Variants in FANCC observed in about 807,000 individuals in gnomAD.
FANCC encodes FA complementation group C, also known as Fanconi anemia group C protein.
In FANCC, 55 loss-of-function variants were observed where a neutral mutation model predicts 71.3. The ratio of observed to expected loss-of-function variants is 0.77; its 90% CI spans 0.62 to 0.97. The LOEUF (loss-of-function observed/expected upper bound fraction) is 0.97, where lower values mean the gene tolerates loss of function less well. Among genes scored for constraint, FANCC ranks in the 50% least tolerant of loss-of-function variants. FANCC has a pLI of 0.00. For missense variants in FANCC, 678 were observed against 670.9 expected, an observed-to-expected ratio of 1.01 and a Z score of -0.12; for synonymous variants, 275 against 244.9, an observed-to-expected ratio of 1.12 and a Z score of -1.15.
intron 4 of FANCC, among the ~76,000 whole-genome samples, chr9:95,173,897 C>A: frequency 6.6e-6 from 1 of 151,376 alleles, no homozygotes. Context: ...ACCCTGTCTC[C>A]AAGGAAAAGA....
intron 7 of FANCC, among the ~76,000 whole-genome samples, chr9:95,149,547 C>A (rs556838750): frequency 6.6e-6 from 1 of 151,584 alleles, no homozygotes; most frequent in African/African-American, 2.4e-5. Flanking sequence ...GGCACAATCT[C>A]GGCTCACTGC....
chr9:95,128,990 A>T (rs1277831546), intron 8 of FANCC, among the ~76,000 whole-genome samples: 1 of 151,502 alleles, frequency 6.6e-6, no homozygotes, highest in African/African-American at 2.4e-5. Context: ...GCAACCTCCA[A>T]CTCCTGGGTT....
chr9:95,287,025 T>C (rs1417711826), intron 1 of FANCC, among the ~76,000 whole-genome samples: 2 of 152,176 alleles, frequency 1.3e-5, no homozygotes, highest in Non-Finnish European at 2.9e-5. Context: ...TATTATTTTA[T>C]AGCAGCTATC....
chr9:95,142,046 G>A (rs978070414), intron 7 of FANCC, among the ~76,000 whole-genome samples: 3 of 125,800 alleles, frequency 2.4e-5, no homozygotes, highest in Admixed American at 1.0e-4. Context: ...AGGCTGGAGT[G>A]CAATGGCACG....
intron 4 of FANCC, among the ~76,000 whole-genome samples, chr9:95,214,311 A>C (rs1359531362): frequency 1.3e-5 from 2 of 152,158 alleles, no homozygotes; most frequent in African/African-American, 4.8e-5. Flanking sequence ...GCATGCCTGT[A>C]GTCCCAGCTA....
At chr9:95,144,467 C>T (rs779795127) in intron 7 of FANCC, among the ~76,000 whole-genome samples, 6 of 152,214 alleles carry the variant, frequency 3.9e-5, no homozygotes, top group Non-Finnish European at 8.8e-5. Flanking sequence ...CTGCCCTCAG[C>T]GTCCCTCTGA....
intron 4 of FANCC, among the ~76,000 whole-genome samples, chr9:95,173,717 A>T (rs551992986): frequency 2.0e-4 from 31 of 152,154 alleles, no homozygotes; most frequent in Non-Finnish European, 3.4e-4. Context: ...GGAGTTCGAG[A>T]CTAGCCTGGG....
intron 4 of FANCC, among the ~76,000 whole-genome samples, chr9:95,174,512 T>A (rs896114572): frequency 3.9e-5 from 6 of 151,912 alleles, no homozygotes; most frequent in African/African-American, 1.4e-4. Context: ...TAGAGACTGC[T>A]AACATTTATA....
At chr9:95,289,887 G>A (rs1039118143) in intron 1 of FANCC, among the ~76,000 whole-genome samples, 1 of 151,990 alleles carries the variant, frequency 6.6e-6, no homozygotes, top group African/African-American at 2.4e-5. Flanking sequence ...TCAAACTCCT[G>A]GGCTCAAGTG....
intron 1 of FANCC, among the ~76,000 whole-genome samples, chr9:95,313,334 G>A (rs781653692): frequency 4.7e-4 from 71 of 152,340 alleles, no homozygotes; most frequent in Middle Eastern, 3.4e-3. Flanking sequence ...AACCAGTGCT[G>A]GAGAAAGTAT....
chr9:95,168,271 C>T (rs894840119), intron 6 of FANCC, among the ~76,000 whole-genome samples: 1 of 152,268 alleles, frequency 6.6e-6, no homozygotes, highest in African/African-American at 2.4e-5. Context: ...GGCTTCTCTT[C>T]CCCTCCCAAA....
At chr9:95,150,909 T>C (rs1006722153) in intron 6 of FANCC, among the ~76,000 whole-genome samples, 1 of 152,212 alleles carries the variant, frequency 6.6e-6, no homozygotes, top group Admixed American at 6.5e-5. Context: ...GATCATCCCA[T>C]GTCACTATAC....
chr9:95,131,664 G>T (rs1036682069), intron 8 of FANCC, among the ~76,000 whole-genome samples: 1 of 152,138 alleles, frequency 6.6e-6, no homozygotes, highest in Non-Finnish European at 1.5e-5. Context: ...TCAATTACAT[G>T]CACCACATTA....
intron 7 of FANCC, among the ~76,000 whole-genome samples, chr9:95,147,593 C>T (rs566568245): frequency 6.6e-6 from 1 of 152,292 alleles, no homozygotes; most frequent in Admixed American, 6.5e-5. Context: ...ACATCTGCTA[C>T]AGAGAAAGTG....
intron 4 of FANCC, among the ~76,000 whole-genome samples, chr9:95,224,827 T>G (rs952152513): frequency 6.6e-6 from 1 of 152,216 alleles, no homozygotes; most frequent in Non-Finnish European, 1.5e-5. Context: ...CTGAGGTTAT[T>G]TTGTAGTTTC....
At chr9:95,224,403 A>G (rs1829478435) in intron 4 of FANCC, among the ~76,000 whole-genome samples, 1 of 152,148 alleles carries the variant, frequency 6.6e-6, no homozygotes, top group South Asian at 2.1e-4. Flanking sequence ...CACGGTGACA[A>G]TATCTACCTT....
intron 4 of FANCC, among the ~76,000 whole-genome samples, chr9:95,191,469 G>C (rs1247417593): frequency 6.6e-6 from 1 of 151,288 alleles, no homozygotes; most frequent in Non-Finnish European, 1.5e-5. Flanking sequence ...TGGAATTACA[G>C]GCATGGGCTA....
At chr9:95,129,161 C>G (rs1350558349) in intron 8 of FANCC, among the ~76,000 whole-genome samples, 7 of 152,164 alleles carry the variant, frequency 4.6e-5, no homozygotes, top group Admixed American at 4.6e-4. Flanking sequence ...AAACCAGTCT[C>G]CCTTGCTACC....
At chr9:95,114,158 T>C (rs1032459770) in intron 12 of FANCC, 3 of 203,996 alleles carry the variant, frequency 1.5e-5, no homozygotes, top group Non-Finnish European at 3.1e-5. Flanking sequence ...GAGAGATTTA[T>C]TAGAGAGAAG....
Sources: allele counts gnomAD v4.1 joint callset (sites outside exome capture counted in the v4.1 genomes callset), GRCh38; gene constraint gnomAD v4.1.1; transcripts MANE v1.5; gene names NCBI Gene and HGNC (gene_info 2026-07-23, HGNC 2026-07-21).